SORCS2: variants seen among roughly 807,000 people sequenced by gnomAD.
The protein encoded by SORCS2 is VPS10 domain-containing receptor SorCS2.
Under a neutral mutation model 141.6 loss-of-function variants are expected in SORCS2, and 100 were observed. The observed-to-expected ratio is 0.71, with a 90% CI of 0.60 to 0.83. The LOEUF (loss-of-function observed/expected upper bound fraction) is 0.83, where lower values mean the gene tolerates loss of function less well. Ranked by LOEUF, SORCS2 falls within the 40% of genes least tolerant of loss-of-function variation. The pLI is 0.00. For synonymous variants in SORCS2, 789 were observed against 676.9 expected, an observed-to-expected ratio of 1.17 and a Z score of -2.57; for missense variants, 1,646 against 1,560.2, an observed-to-expected ratio of 1.05 and a Z score of -0.93.
intron 2 of SORCS2, among the ~76,000 whole-genome samples, chr4:7,408,271 C>G (rs1231630092): frequency 6.6e-6 from 1 of 152,040 alleles, no homozygotes; most frequent in East Asian, 1.9e-4. Context: ...AACCTTTCTT[C>G]TAAGACAGAT....
intron 1 of SORCS2, among the ~76,000 whole-genome samples, chr4:7,332,612 C>T (rs1036166060): frequency 4.6e-5 from 7 of 152,216 alleles, no homozygotes; most frequent in Admixed American, 4.6e-4. Context: ...ATGAGGGGTG[C>T]TCACCCTGAA....
chr4:7,354,021 C>T (rs780912761), intron 1 of SORCS2, among the ~76,000 whole-genome samples: 18 of 152,306 alleles, frequency 1.2e-4, no homozygotes, highest in South Asian at 4.1e-4. Flanking sequence ...CACCTTTACC[C>T]GCACCACTTC....
rs970252535 is a variant in SORCS2 at position 7,632,306 on chromosome 4, GCC to G, written c.649-6018_649-6017del. ...TAATTTCAAAAAACCAGCCTCCTGGGCCCCCAGAACCCAGTGCAGGTACCATA... is the reference window on the plus strand; with the variant it reads ...TAATTTCAAAAAACCAGCCTCCTGGGCCCAGAACCCAGTGCAGGTACCATA... On this transcript the variant is annotated intron_variant, in intron 3 of 26. Coordinates refer to ENST00000507866, the MANE Select transcript of SORCS2 (RefSeq NM_020777.3). 3.3e-5 allele frequency among the ~76,000 whole-genome samples: 5 copies of G among 152,172 alleles called. No individual in the cohort carries two copies. The South Asian group carries it at 1.0e-3, about 32-fold the overall frequency.
chr4:7,689,416 A>C (rs530695610), intron 10 of SORCS2, 70 bp from the exon 11 acceptor site: 8 of 1,457,950 alleles, frequency 5.5e-6, no homozygotes, highest in Admixed American at 2.0e-5. Context: ...CAGATTTGTC[A>C]TCAGGCTTAG....
chr4:7,685,594 C>G (rs1349937439), intron 10 of SORCS2, among the ~76,000 whole-genome samples: 4 of 152,164 alleles, frequency 2.6e-5, no homozygotes, highest in Admixed American at 6.5e-5. Flanking sequence ...TCGCTTGAAC[C>G]TGGGAGGTGG....
chr4:7,658,213 CTG>C (rs1721929431), intron 5 of SORCS2, among the ~76,000 whole-genome samples: 1 of 148,704 alleles, frequency 6.7e-6, no homozygotes, highest in African/African-American at 2.5e-5. Context: ...ATAAGTGAGT[CTG>C]TGACTGAGTA....
In SORCS2 at chr4:7,448,287, G is replaced by C. The variant is rs563102671; in HGVS notation, c.548+51932G>C. 5.9e-5 allele frequency among the ~76,000 whole-genome samples: 9 copies of C among 152,210 alleles called. No individual in the cohort carries two copies. The East Asian group carries it at 1.5e-3, about 26-fold the overall frequency. ...CAAGGGGCATCTCCCACGTCACCCA[G>C]TGTGGCCAAGGCGTGCTTAGGGCCC... On this transcript the variant is annotated intron_variant, in intron 2 of 26. Transcript: ENST00000507866.
chr4:7,581,857 T>C (rs187979627), intron 3 of SORCS2, among the ~76,000 whole-genome samples: 7 of 152,368 alleles, frequency 4.6e-5, no homozygotes, highest in Admixed American at 4.6e-4. Flanking sequence ...AGCAGGTTAC[T>C]CACCTGTAAA....
chr4:7,693,201 T>G (rs1367140788), intron 11 of SORCS2, among the ~76,000 whole-genome samples: 1 of 151,646 alleles, frequency 6.6e-6, no homozygotes, highest in East Asian at 2.0e-4. Context: ...ATCTTCACCC[T>G]TTCTTCCTCA....
At chr4:7,409,461 A>G (rs538619622) in intron 2 of SORCS2, among the ~76,000 whole-genome samples, 1 of 152,308 alleles carries the variant, frequency 6.6e-6, no homozygotes, top group East Asian at 1.9e-4. Flanking sequence ...CAAATTACAG[A>G]GCAGAGTTTT....
chr4:7,715,742 C>T (rs1437984696), intron 17 of SORCS2, among the ~76,000 whole-genome samples: 1 of 152,200 alleles, frequency 6.6e-6, no homozygotes, highest in African/African-American at 2.4e-5. Context: ...GCCCAGTAAG[C>T]CAGGCTCTCC....
intron 1 of SORCS2, among the ~76,000 whole-genome samples, chr4:7,366,678 C>T (rs1001262002): frequency 6.6e-6 from 1 of 152,050 alleles, no homozygotes. Flanking sequence ...TTCTGGGAGA[C>T]CTTCCATGTC....
At chr4:7,435,827 G>A (rs1479039865) in intron 2 of SORCS2, among the ~76,000 whole-genome samples, 2 of 152,392 alleles carry the variant, frequency 1.3e-5, no homozygotes, top group East Asian at 3.9e-4. Context: ...TCTGGAGTCA[G>A]CCTCACCTCT....
intron 2 of SORCS2, among the ~76,000 whole-genome samples, chr4:7,476,384 G>A (rs552226189): frequency 2.6e-5 from 4 of 152,180 alleles, no homozygotes; most frequent in African/African-American, 7.2e-5. Flanking sequence ...GGCTGGCTGG[G>A]CAGAGTTTCT....
At chr4:7,514,973 G>A (rs1732884343) in intron 2 of SORCS2, among the ~76,000 whole-genome samples, 2 of 152,196 alleles carry the variant, frequency 1.3e-5, no homozygotes, top group African/African-American at 4.8e-5. Flanking sequence ...GGAATGGTCA[G>A]GGGCCAGCCA....
At chr4:7,464,425 A>G (rs1276768590) in intron 2 of SORCS2, among the ~76,000 whole-genome samples, 1 of 152,132 alleles carries the variant, frequency 6.6e-6, no homozygotes, top group Non-Finnish European at 1.5e-5. Context: ...GGGAAAAGGG[A>G]GCCGCAGCCT....
chr4:7,638,244 C>G (rs1366118325), intron 3 of SORCS2, 84 bp from the exon 4 acceptor site: 3 of 1,447,256 alleles, frequency 2.1e-6, no homozygotes, highest in Non-Finnish European at 2.8e-6. Context: ...GAGAGGCGCA[C>G]CTGGCCCAGG....
chr4:7,614,473 C>G lies in SORCS2; in HGVS notation c.649-23855C>G, dbSNP rs568000391. On this transcript the variant is annotated intron_variant, in intron 3 of 26. Transcript: ENST00000507866. ...CCATCCATTCACCCATAATCCATAA[C>G]CCATCCACGCATCCACCATCCATTC... Among the ~76,000 whole-genome samples the G allele has an allele frequency of 1.3e-4, 20 of 150,008 alleles. No homozygotes were observed. The South Asian group carries it at 3.0e-3, about 23-fold the overall frequency.
chr4:7,375,026 TG>T (rs2109054693), intron 1 of SORCS2, among the ~76,000 whole-genome samples: 1 of 152,270 alleles, frequency 6.6e-6, no homozygotes, highest in East Asian at 1.9e-4. Context: ...CACTGATCAC[TG>T]GGGTCCCTGG....
Sources: allele counts gnomAD v4.1 joint callset (sites outside exome capture counted in the v4.1 genomes callset), GRCh38; gene constraint gnomAD v4.1.1; transcripts MANE v1.5; gene names NCBI Gene and HGNC (gene_info 2026-07-23, HGNC 2026-07-21).